VANGL1: variants seen among roughly 807,000 people sequenced by gnomAD.
The protein encoded by VANGL1 is vang-like protein 1.
Under a neutral mutation model 48.4 loss-of-function variants are expected in VANGL1, and 18 were observed. The ratio of observed to expected loss-of-function variants is 0.37; its 90% confidence interval spans 0.26 to 0.55. The LOEUF (loss-of-function observed/expected upper bound fraction) is 0.55, where lower values mean the gene tolerates loss of function less well. Among genes scored for constraint, VANGL1 ranks in the 20% least tolerant of loss-of-function variants. The probability of loss-of-function intolerance (pLI) is 0.81; values close to 1 mark genes in which losing one functional copy is unlikely to be tolerated. For synonymous variants in VANGL1, 257 were observed against 261.8 expected, an observed-to-expected ratio of 0.98 and a Z score of 0.18; for missense variants, 667 against 675.8, an observed-to-expected ratio of 0.99 and a Z score of 0.14.
chr1:115,660,382 G>A (rs1262687332), intron 3 of VANGL1, among the ~76,000 whole-genome samples: 3 of 152,186 alleles, frequency 2.0e-5, no homozygotes, highest in Non-Finnish European at 4.4e-5. Flanking sequence ...CAGCAGCTCC[G>A]CAGCTCCAGA....
chr1:115,694,731 A>G lies in VANGL1; in HGVS notation c.*3352A>G, dbSNP rs934072896. 6 of 152,102 alleles carry G rather than the reference A, an allele frequency of 3.9e-5. No individual in the cohort carries two copies. Among genetic ancestry groups the G allele is most frequent in the African/African-American group, 9.7e-5 (4 of 41,410 alleles). 9.4% of individuals were successfully genotyped at this position (152,102 alleles called of 1,614,324 possible). Reference sequence around the variant, plus strand: ...GCTGTGTAAGTATCCCTAAGTGGGGATGCATATTTGTTTGTGCGTTTTTAT... The same window carrying G: ...GCTGTGTAAGTATCCCTAAGTGGGGGTGCATATTTGTTTGTGCGTTTTTAT... On this transcript the variant is annotated 3_prime_UTR_variant, in exon 8 of 8. Transcript: ENST00000355485.
intron 1 of VANGL1, among the ~76,000 whole-genome samples, chr1:115,650,533 A>G (rs973964854): frequency 3.9e-5 from 6 of 152,182 alleles, no homozygotes; most frequent in African/African-American, 1.4e-4. Flanking sequence ...TTACATAAGC[A>G]ATTTTATACA....
intron 3 of VANGL1, among the ~76,000 whole-genome samples, chr1:115,662,716 A>G (rs1298274751): frequency 1.3e-5 from 2 of 152,166 alleles, no homozygotes; most frequent in Admixed American, 6.5e-5. Context: ...AGCTTGGTCC[A>G]TGAGAAATAT....
chr1:115,661,433 T>C (rs1323104420), intron 3 of VANGL1, among the ~76,000 whole-genome samples: 3 of 152,128 alleles, frequency 2.0e-5, no homozygotes, highest in African/African-American at 7.2e-5. Context: ...ATTAGAATCA[T>C]ATGGTCCATC....
chr1:115,679,277 C>T (rs914814951), intron 4 of VANGL1, among the ~76,000 whole-genome samples: 8 of 152,220 alleles, frequency 5.3e-5, no homozygotes, highest in Non-Finnish European at 8.8e-5. Context: ...GAGTGCAGGA[C>T]GCCTGCACTT....
At chr1:115,644,712 G>T (rs1570732070) in intron 1 of VANGL1, among the ~76,000 whole-genome samples, 1 of 152,124 alleles carries the variant, frequency 6.6e-6, no homozygotes, top group Non-Finnish European at 1.5e-5. Flanking sequence ...TAAATATCTG[G>T]CAGGGAACAA....
intron 4 of VANGL1, among the ~76,000 whole-genome samples, chr1:115,665,798 T>A (rs1182625469): frequency 1.3e-5 from 2 of 152,200 alleles, no homozygotes; most frequent in Non-Finnish European, 2.9e-5. Flanking sequence ...TCTTTTCCCA[T>A]GTTTTGCATC....
chr1:115,651,390 C>T lies in VANGL1; in HGVS notation c.-24C>T, dbSNP rs886045118. ...AAGGAGAAACAGTACCTGCTCCTTCCTCAAGCGCAAGCCCTCCATTGCTAT... is the reference window on the plus strand; with the variant it reads ...AAGGAGAAACAGTACCTGCTCCTTCTTCAAGCGCAAGCCCTCCATTGCTAT... On this transcript the variant is annotated 5_prime_UTR_variant, in exon 2 of 8. Coordinates refer to ENST00000355485, the MANE Select transcript of VANGL1 (RefSeq NM_138959.3). 30 of 1,611,880 alleles carry T rather than the reference C, an allele frequency of 1.9e-5. No homozygotes were observed. Among genetic ancestry groups the T allele is most frequent in the Non-Finnish European group, 2.5e-5 (30 of 1,178,400 alleles).
At position 115,683,961 on chromosome 1, in the gene VANGL1, A is replaced by G; in HGVS notation, c.964A>G (p.Thr322Ala). The G allele has an allele frequency of 6.2e-7, 1 of 1,613,804 alleles. No individual in the cohort carries two copies. The highest frequency in any genetic ancestry group is 8.5e-7 in the Non-Finnish European group (1 of 1,179,840). ...CCCCAAAGGCCCCAGTAACAATGCC[A>G]CTGGCCAGTCCCGGGCCATGATTGC... is the stretch of plus-strand genomic sequence containing the variant. ...YNVDGPSNNA[T>A]GQSRAMIAAA... Residue 322 changes from threonine (T) to alanine (A), a missense_variant, in exon 6 of 8, where the codon ACT becomes GCT. Thr to Ala is a moderately conservative substitution (Grantham distance 58). Coordinates refer to ENST00000355485, the MANE Select transcript of VANGL1 (RefSeq NM_138959.3).
chr1:115,656,102 C>G (rs946908101), intron 2 of VANGL1, among the ~76,000 whole-genome samples: 1 of 152,226 alleles, frequency 6.6e-6, no homozygotes, highest in Non-Finnish European at 1.5e-5. Context: ...GCTGAGCTGA[C>G]AGGAAGTGCC....
chr1:115,662,593 A>C (rs965011143), intron 3 of VANGL1, among the ~76,000 whole-genome samples: 1 of 152,228 alleles, frequency 6.6e-6, no homozygotes, highest in African/African-American at 2.4e-5. Context: ...AAAAGATAAC[A>C]TTTTAATAAT....
chr1:115,679,666 C>A (rs1653303214), intron 4 of VANGL1, among the ~76,000 whole-genome samples: 1 of 152,266 alleles, frequency 6.6e-6, no homozygotes, highest in African/African-American at 2.4e-5. Context: ...CCCTTGACCC[C>A]TCCTTGCAGC....
At chr1:115,680,017 G>A (rs61797701) in intron 4 of VANGL1, among the ~76,000 whole-genome samples, 27,155 of 104,854 alleles carry the variant, frequency 0.26, 2,897 homozygotes, top group East Asian at 0.42. Flanking sequence ...GTGTGTGTGT[G>A]TGTGTATGTG....
In VANGL1 at chr1:115,691,524, C is replaced by A; in HGVS notation, c.*145C>A. The stretch of plus-strand genomic sequence containing the variant: ...TGATTGACCAGTATCCTTTGACCAT[C>A]TGCACTTTATTTGGAAGGAAGCAGG... On this transcript the variant is annotated 3_prime_UTR_variant, in exon 8 of 8. Transcript: ENST00000355485. The A allele has an allele frequency of 1.1e-6, 1 of 930,606 alleles. No individual in the cohort carries two copies. Among genetic ancestry groups the A allele is most frequent in the Non-Finnish European group, 1.5e-6 (1 of 645,548 alleles). 57.6% of individuals were successfully genotyped at this position (930,606 alleles called of 1,614,324 possible). A position where few individuals can be genotyped will look rare whatever the true frequency, so the allele number is the denominator to read the frequency against.
intron 5 of VANGL1, among the ~76,000 whole-genome samples, chr1:115,683,613 A>G (rs1261987761): frequency 6.6e-6 from 1 of 152,162 alleles, no homozygotes; most frequent in Admixed American, 6.5e-5. Context: ...CTGAAACTTT[A>G]TGTAACAGAT....
intron 1 of VANGL1, among the ~76,000 whole-genome samples, chr1:115,649,118 C>G (rs1337632883): frequency 1.3e-5 from 2 of 152,074 alleles, no homozygotes; most frequent in African/African-American, 4.8e-5. Flanking sequence ...GGAAGTGAGA[C>G]TGAGGTGTTG....
intron 1 of VANGL1, among the ~76,000 whole-genome samples, chr1:115,649,173 A>C (rs1320844938): frequency 6.6e-6 from 1 of 152,188 alleles, no homozygotes; most frequent in East Asian, 1.9e-4. Flanking sequence ...GACAGTAGGC[A>C]GAAAAAAAGA....
intron 2 of VANGL1, among the ~76,000 whole-genome samples, chr1:115,652,842 C>T (rs1320816981): frequency 1.3e-5 from 2 of 152,170 alleles, no homozygotes; most frequent in Non-Finnish European, 2.9e-5. Flanking sequence ...GAGTGGTCAT[C>T]CATAGGGGGA....
At chr1:115,644,948 T>C (rs1245570779) in intron 1 of VANGL1, among the ~76,000 whole-genome samples, 1 of 152,248 alleles carries the variant, frequency 6.6e-6, no homozygotes, top group African/African-American at 2.4e-5. Context: ...CATTCATTTA[T>C]AAGCTGTTGT....
Sources: gnomAD v4.1 joint callset for allele counts (sites outside exome capture counted in the v4.1 genomes callset) on GRCh38, gnomAD v4.1.1 for gene constraint, MANE v1.5 for transcripts, NCBI Gene and HGNC (gene_info 2026-07-23, HGNC 2026-07-21) for gene names.